The following NTNG1 variants were observed in gnomAD, a reference collection of about 807,000 sequenced individuals.
The protein encoded by NTNG1 is netrin-G1.
Under a neutral mutation model 54.0 loss-of-function variants are expected in NTNG1, and 16 were observed. That is an observed-to-expected ratio of 0.30 (90% CI 0.20 to 0.45). The LOEUF (loss-of-function observed/expected upper bound fraction) is 0.45. Ranked by LOEUF, NTNG1 falls within the 20% of genes least tolerant of loss-of-function variation. The pLI is 1.00. For synonymous variants in NTNG1, 255 were observed against 263.1 expected, an observed-to-expected ratio of 0.97 and a Z score of 0.30; for missense variants, 530 against 678.7, an observed-to-expected ratio of 0.78 and a Z score of 2.43.
chr1:107,329,442 T>C (rs1668150578), intron 3 of NTNG1, among the ~76,000 whole-genome samples: 1 of 152,176 alleles, frequency 6.6e-6, no homozygotes, highest in Non-Finnish European at 1.5e-5. Context: ...GAAGCACAAC[T>C]TCCACATGGT....
At chr1:107,282,305 C>T (rs1375383240) in intron 2 of NTNG1, among the ~76,000 whole-genome samples, 3 of 152,140 alleles carry the variant, frequency 2.0e-5, no homozygotes, top group Non-Finnish European at 4.4e-5. Flanking sequence ...TTTCTCCCTA[C>T]GAACCTTCAT....
chr1:107,410,131 T>A (rs984346434), intron 5 of NTNG1: 6 of 152,088 alleles, frequency 3.9e-5, no homozygotes, highest in African/African-American at 1.4e-4. Flanking sequence ...ACTAACTATA[T>A]AGAAAGATAC....
chr1:107,248,512 T>C (rs1662349924), intron 2 of NTNG1, among the ~76,000 whole-genome samples: 1 of 152,182 alleles, frequency 6.6e-6, no homozygotes, highest in South Asian at 2.1e-4. Flanking sequence ...TAAGATTACC[T>C]AGCGTACTTT....
intron 7 of NTNG1, among the ~76,000 whole-genome samples, chr1:107,437,562 T>C (rs762260488): frequency 2.7e-4 from 41 of 152,188 alleles, no homozygotes; most frequent in Non-Finnish European, 2.6e-4. Flanking sequence ...GGTATTTTGC[T>C]AGTATTAAAG....
chr1:107,478,976 C>A (rs1678517652), intron 7 of NTNG1, among the ~76,000 whole-genome samples: 1 of 152,164 alleles, frequency 6.6e-6, no homozygotes, highest in African/African-American at 2.4e-5. Context: ...GATTTCTAAG[C>A]CACTCAATAA....
chr1:107,372,528 C>T (rs1301434493), intron 3 of NTNG1, among the ~76,000 whole-genome samples: 1 of 152,054 alleles, frequency 6.6e-6, no homozygotes, highest in African/African-American at 2.4e-5. Context: ...AATCAGAGAA[C>T]ATACATTGTA....
intron 7 of NTNG1, 34 bp downstream of exon 7, chr1:107,436,833 G>C: frequency 6.2e-7 from 1 of 1,606,614 alleles, no homozygotes; most frequent in Non-Finnish European, 8.5e-7. Context: ...TCTGCCTGCT[G>C]CAGCATGGCT....
At chr1:107,420,972 A>G (rs763099344) in intron 5 of NTNG1, 1 of 733,970 alleles carries the variant, frequency 1.4e-6, no homozygotes, top group Non-Finnish European at 2.4e-6. Context: ...AACAGATACA[A>G]ATAGTCTCTT....
intron 1 of NTNG1, 178 bp downstream of exon 1, chr1:107,141,318 G>A (rs2100987061): frequency 6.6e-6 from 1 of 150,516 alleles, no homozygotes; most frequent in South Asian, 2.1e-4. Flanking sequence ...CTCCGCGGGA[G>A]CTGCCGCCCT....
At chr1:107,258,496 A>G (rs1394552812) in intron 2 of NTNG1, among the ~76,000 whole-genome samples, 1 of 152,220 alleles carries the variant, frequency 6.6e-6, no homozygotes, top group African/African-American at 2.4e-5. Context: ...AGTGGCATGC[A>G]TAAGCATAGT....
At chr1:107,312,031 G>A (rs1254029288) in intron 2 of NTNG1, among the ~76,000 whole-genome samples, 1 of 152,108 alleles carries the variant, frequency 6.6e-6, no homozygotes, top group Non-Finnish European at 1.5e-5. Flanking sequence ...GCTTTAAAAG[G>A]GAACATGATA....
chr1:107,170,779 T>G (rs1656159998), intron 2 of NTNG1, among the ~76,000 whole-genome samples: 2 of 152,128 alleles, frequency 1.3e-5, no homozygotes, highest in African/African-American at 4.8e-5. Context: ...AAAAACACAT[T>G]ATAATTTATT....
intron 3 of NTNG1, among the ~76,000 whole-genome samples, chr1:107,342,493 C>T (rs1251540580): frequency 7.2e-5 from 11 of 152,082 alleles, no homozygotes; most frequent in Admixed American, 7.2e-4. Flanking sequence ...TTGCTTTGCT[C>T]AGTGGCATGT....
chr1:107,322,126 T>C (rs1392923060), intron 2 of NTNG1, among the ~76,000 whole-genome samples: 3 of 152,148 alleles, frequency 2.0e-5, no homozygotes, highest in Non-Finnish European at 4.4e-5. Flanking sequence ...ATAGGTTTGT[T>C]AGTATTGACC....
chr1:107,315,317 C>T (rs557510723), intron 2 of NTNG1, among the ~76,000 whole-genome samples: 9 of 152,276 alleles, frequency 5.9e-5, no homozygotes, highest in East Asian at 1.9e-4. Context: ...AAACCTCCTA[C>T]GGGTTGCTCT....
At position 107,233,120 on chromosome 1, in the gene NTNG1, T is replaced by C. The variant is rs1000878031; in HGVS notation, c.246+84281T>C. On this transcript the variant is annotated intron_variant, in intron 2 of 7. Transcript: ENST00000370068. ...TTGCCTAAAGTCCATCAATATGAGATTATGGAAACATTAAACCATATAGAC... is the reference window on the plus strand; with the variant it reads ...TTGCCTAAAGTCCATCAATATGAGACTATGGAAACATTAAACCATATAGAC... Among the ~76,000 whole-genome samples, 8 of 152,310 alleles carry C rather than the reference T, an allele frequency of 5.3e-5. No individual in the cohort carries two copies. The East Asian group carries it at 9.6e-4, about 18-fold the overall frequency.
chr1:107,389,610 G>C (rs960826848), intron 3 of NTNG1, among the ~76,000 whole-genome samples: 1 of 152,180 alleles, frequency 6.6e-6, no homozygotes, highest in Non-Finnish European at 1.5e-5. Context: ...TTGCATCACA[G>C]ACTAGAGCTC....
rs150565918 is a variant in NTNG1, at chr1:107,167,248, A to G, written c.246+18409A>G. Among the ~76,000 whole-genome samples, 6 of 152,154 alleles carry G rather than the reference A, an allele frequency of 3.9e-5. No individual in the cohort carries two copies. The East Asian group carries it at 1.2e-3, about 29-fold the overall frequency. ...CATGAGACTGTCTACAGTTATCCTT[A>G]GAGTGGCACGAATTTATGCATGTTC... On this transcript the variant is annotated intron_variant, in intron 2 of 7. Coordinates refer to ENST00000370068, the MANE Select transcript of NTNG1 (RefSeq NM_001113226.3).
chr1:107,372,939 T>C (rs1304238395), intron 3 of NTNG1, among the ~76,000 whole-genome samples: 2 of 152,168 alleles, frequency 1.3e-5, no homozygotes, highest in Non-Finnish European at 2.9e-5. Flanking sequence ...TAGTCTGATA[T>C]TGATATATCA....
Sources: allele counts gnomAD v4.1 joint callset (sites outside exome capture counted in the v4.1 genomes callset), GRCh38; gene constraint gnomAD v4.1.1; transcripts MANE v1.5; gene names NCBI Gene and HGNC (gene_info 2026-07-23, HGNC 2026-07-21).